The following DNAI2 variants were observed in gnomAD, a reference collection of about 807,000 sequenced individuals.
DNAI2 encodes dynein, axonemal, intermediate polypeptide 2.
DNAI2 carries 63 observed loss-of-function variants against 74.7 expected under a neutral mutation model. That is an observed-to-expected ratio of 0.84 (90% CI 0.69 to 1.04). The LOEUF is 1.04. DNAI2 is among the 50% of genes least tolerant of loss of function. The probability of loss-of-function intolerance (pLI) is 0.00; values close to 1 mark genes in which losing one functional copy is unlikely to be tolerated. For missense variants in DNAI2, 688 were observed against 803.2 expected, an observed-to-expected ratio of 0.86 and a Z score of 1.73; for synonymous variants, 289 against 314.9, an observed-to-expected ratio of 0.92 and a Z score of 0.87.
At chr17:74,283,999 A>ATGG in intron 2 of DNAI2, among the ~76,000 whole-genome samples, 2 of 152,122 alleles carry the variant, frequency 1.3e-5, no homozygotes, top group Non-Finnish European at 2.9e-5. Context: ...TTAGCCGGCC[A>ATGG]TGATGGCGAG....
At position 74,305,345 on chromosome 17, in the gene DNAI2, A is replaced by G. The variant is rs1478493146; in HGVS notation, c.1114A>G (p.Arg372Gly). ...TCATGGCCCCATCTACGCCCTCCAG[A>G]GAAACCCCTTCTACCCGAAGAACTT... ...GHHGPIYALQ[R>G]NPFYPKNFLT... Residue 372 changes from arginine to glycine, a missense_variant, in exon 9 of 14, where the codon AGA becomes GGA. Physicochemically the swap from Arg to Gly is moderately radical, Grantham distance 125. Transcript: ENST00000311014. 1 of 1,614,186 alleles carries G rather than the reference A, an allele frequency of 6.2e-7. No individual in the cohort carries two copies. Among genetic ancestry groups the G allele is most frequent in the Admixed American group, 1.7e-5 (1 of 60,028 alleles).
At position 74,299,873 on chromosome 17, in the gene DNAI2, A is replaced by C; in HGVS notation, c.864+16A>C. The stretch of plus-strand genomic sequence containing the variant: ...GGATGGGCAGGTACCCACCAGCCAG[A>C]CACTGGAGAGAGGAGGGAAGGGAGG... On this transcript the variant is annotated intron_variant, in intron 7 of 13. Transcript: ENST00000311014. 1 of 1,613,254 alleles carries C rather than the reference A, an allele frequency of 6.2e-7. No individual in the cohort carries two copies. The highest frequency in any genetic ancestry group is 8.5e-7 in the Non-Finnish European group (1 of 1,180,010).
chr17:74,281,086 CAAAA>C (rs60399157), intron 1 of DNAI2, among the ~76,000 whole-genome samples: 4 of 58,898 alleles, frequency 6.8e-5, no homozygotes, highest in South Asian at 8.8e-4. Flanking sequence ...GCCTTTGTCT[CAAAA>C]AAAAAAAAAA....
At chr17:74,280,698 C>T (rs2051339966) in intron 1 of DNAI2, among the ~76,000 whole-genome samples, 1 of 152,148 alleles carries the variant, frequency 6.6e-6, no homozygotes, top group South Asian at 2.1e-4. Context: ...AAATCTGTGT[C>T]CTGTGTGTTT....
At chr17:74,291,889 AG>A (rs985206111) in intron 6 of DNAI2, among the ~76,000 whole-genome samples, 3 of 147,624 alleles carry the variant, frequency 2.0e-5, no homozygotes, top group Non-Finnish European at 4.5e-5. Context: ...TTTGAGATGG[AG>A]TCTCGCTCTG....
rs1345809639 is a variant in DNAI2, at chr17:74,314,616, G to T, written c.*83G>T. 1 of 246,438 alleles carries T rather than the reference G, an allele frequency of 4.1e-6. No individual in the cohort carries two copies. Among genetic ancestry groups the T allele is most frequent in the Non-Finnish European group, 8.2e-6 (1 of 121,828 alleles). The allele number at this position is 246,438 out of a possible 1,614,324, so 15.3% of individuals were successfully genotyped here. ...CCTCAACCAGACTTGCATGGCCATG[G>T]CAGGGCCTCGGGAAGACCTTCAGGA... is the stretch of plus-strand genomic sequence containing the variant. On this transcript the variant is annotated 3_prime_UTR_variant, in exon 14 of 14. Coordinates refer to ENST00000311014, the MANE Select transcript of DNAI2 (RefSeq NM_023036.6).
chr17:74,309,133 A>G (rs1299385785), intron 9 of DNAI2, 120 bp from the exon 10 acceptor site: 14 of 1,146,402 alleles, frequency 1.2e-5, no homozygotes, highest in Non-Finnish European at 1.7e-5. Context: ...GTCAGACACA[A>G]GGAAGAACTT....
chr17:74,305,164 A>G lies in DNAI2; in HGVS notation c.988-55A>G, dbSNP rs2053109107. 1.2e-5 allele frequency: 19 copies of G among 1,593,284 alleles called. No individual in the cohort carries two copies. The East Asian group carries it at 1.8e-4, about 15-fold the overall frequency. ...AGCAAGCTCCTGTCCATGCCCGCTA[A>G]TCCCAGAATTGATGGTTCGTGGAGT... On this transcript the variant is annotated intron_variant, in intron 8 of 13. Coordinates refer to ENST00000311014, the MANE Select transcript of DNAI2 (RefSeq NM_023036.6).
In DNAI2 at chr17:74,281,925, G is replaced by A. The variant is rs1454507785; in HGVS notation, c.108G>A (p.Glu36=). The change falls in exon 2 of 14, where the codon GAG becomes GAA. Residue 36 remains glutamate (E), a synonymous_variant. Coordinates refer to ENST00000311014, the MANE Select transcript of DNAI2 (RefSeq NM_023036.6). ...ACATCGACATCATGCCCAACCCTGA[G>A]CTGGCCGAGCAGTTCGTGGAGCGGA... The part of the protein sequence containing the change: ...ELNIDIMPNP[E]LAEQFVERNP... The A allele has an allele frequency of 6.2e-7, 1 of 1,614,176 alleles. No homozygotes were observed. The highest frequency in any genetic ancestry group is 2.2e-5 in the East Asian group (1 of 44,878).
At chr17:74,303,323 G>A (rs534401707) in intron 8 of DNAI2, among the ~76,000 whole-genome samples, 1 of 152,260 alleles carries the variant, frequency 6.6e-6, no homozygotes, top group Admixed American at 6.5e-5. Flanking sequence ...TCAGATCTGG[G>A]TGGCCTTTCT....
rs1160484592 is a variant in DNAI2, at chr17:74,300,687, A to T, written c.865-359A>T. Among the ~76,000 whole-genome samples, 1 of 152,192 alleles carries T rather than the reference A, an allele frequency of 6.6e-6. No individual in the cohort carries two copies. The highest frequency in any genetic ancestry group is 2.4e-5 in the African/African-American group (1 of 41,436). ...TACAGCAGACATTGCTGGCAGTGGG[A>T]CTTCTAGGTCGGAGCACACATGCAT... On this transcript the variant is annotated intron_variant, in intron 7 of 13. Coordinates refer to ENST00000311014, the MANE Select transcript of DNAI2 (RefSeq NM_023036.6). This position sits in a 1 kb window ranked among gnomAD's most constrained non-coding sequence, Gnocchi z 4.5.
chr17:74,289,409 C>T (rs572865717), intron 4 of DNAI2, among the ~76,000 whole-genome samples, 185 bp from the exon 5 acceptor site: 8 of 151,938 alleles, frequency 5.3e-5, no homozygotes, highest in Non-Finnish European at 1.0e-4. Flanking sequence ...CGCCTGTAAT[C>T]GTAGCTACTC....
chr17:74,286,178 C>T (rs903950089), intron 3 of DNAI2, among the ~76,000 whole-genome samples: 1 of 151,316 alleles, frequency 6.6e-6, no homozygotes, highest in African/African-American at 2.4e-5. Flanking sequence ...TGCCTGTAGT[C>T]CCAGCTACTT....
At position 74,289,590 on chromosome 17, in the gene DNAI2, G is replaced by T. The variant is rs146462823; in HGVS notation, c.468-4G>T. 1,033 of 1,613,372 alleles carry T rather than the reference G, an allele frequency of 6.4e-4. 6 individuals carry two copies. The African/African-American group carries it at 0.011, about 17-fold the overall frequency. ...CCTTCTGCTCTCTTCCCTCTCCCCT[G>T]CAGGGACCCCCAGGAAATCAAGAGG... On this transcript the variant is annotated splice_region_variant and splice_polypyrimidine_tract_variant and intron_variant, in intron 4 of 13. Coordinates refer to ENST00000311014, the MANE Select transcript of DNAI2 (RefSeq NM_023036.6).
intron 8 of DNAI2, among the ~76,000 whole-genome samples, chr17:74,303,591 G>A (rs1040970892): frequency 6.9e-6 from 1 of 144,856 alleles, no homozygotes; most frequent in Non-Finnish European, 1.5e-5. Flanking sequence ...CACCAAGCCA[G>A]GCTGATTTTT....
rs368836198 is a variant in DNAI2 at position 74,286,962 on chromosome 17, A to G, written c.346-15A>G. On this transcript the variant is annotated splice_polypyrimidine_tract_variant and intron_variant, in intron 3 of 13. Coordinates refer to ENST00000311014, the MANE Select transcript of DNAI2 (RefSeq NM_023036.6). Reference sequence around the variant, plus strand: ...CTCCATTTACTGCGGAGAACTTCCAATGTGTCCCCCCTAGATCATGGAGCA... The same window carrying G: ...CTCCATTTACTGCGGAGAACTTCCAGTGTGTCCCCCCTAGATCATGGAGCA... 25 of 1,613,610 alleles carry G rather than the reference A, an allele frequency of 1.5e-5. No individual in the cohort carries two copies. Among genetic ancestry groups the G allele is most frequent in the Admixed American group, 5.0e-5 (3 of 59,968 alleles).
intron 6 of DNAI2, among the ~76,000 whole-genome samples, chr17:74,296,914 TC>T (rs1276815480): frequency 3.9e-5 from 6 of 152,206 alleles, no homozygotes; most frequent in African/African-American, 1.2e-4. Flanking sequence ...CTGCTGTTTT[TC>T]TTGAATAAAC....
intron 6 of DNAI2, among the ~76,000 whole-genome samples, chr17:74,292,834 CTTT>C (rs34852424): frequency 7.1e-6 from 1 of 141,000 alleles, no homozygotes; most frequent in Admixed American, 7.1e-5. Flanking sequence ...TGTAGTTTTC[CTTT>C]TTTTTTTTTT....
At chr17:74,303,321 G>A (rs2052974251) in intron 8 of DNAI2, among the ~76,000 whole-genome samples, 1 of 152,142 alleles carries the variant, frequency 6.6e-6, no homozygotes, top group East Asian at 1.9e-4. Context: ...ACTCAGATCT[G>A]GGTGGCCTTT....
Sources: gnomAD v4.1 joint callset for allele counts (sites outside exome capture counted in the v4.1 genomes callset) on GRCh38, gnomAD v4.1.1 for gene constraint, Gnocchi (gnomAD v3.1) non-coding constraint, MANE v1.5 for transcripts, NCBI Gene and HGNC (gene_info 2026-07-23, HGNC 2026-07-21) for gene names.